Variants in KCTD16 observed in about 807,000 individuals in gnomAD.
KCTD16 encodes the protein potassium channel tetramerization domain containing 16.
A neutral mutation model predicts 33.2 loss-of-function variants in KCTD16; 13 were observed. That is an observed-to-expected ratio of 0.39 (90% CI 0.25 to 0.62). KCTD16 has a LOEUF of 0.62. Among genes scored for constraint, KCTD16 ranks in the 20% least tolerant of loss-of-function variants. The pLI, the probability that KCTD16 is intolerant of heterozygous loss-of-function variation, is 0.50. For missense variants in KCTD16, 441 were observed against 525.1 expected, an observed-to-expected ratio of 0.84 and a Z score of 1.57; for synonymous variants, 197 against 195.3, an observed-to-expected ratio of 1.01 and a Z score of -0.07.
chr5:144,407,842 G>A (rs185466848), intron 3 of KCTD16, among the ~76,000 whole-genome samples: 1 of 152,098 alleles, frequency 6.6e-6, no homozygotes, highest in Non-Finnish European at 1.5e-5. Flanking sequence ...ATGGCTTCCA[G>A]CTTCAACCAT....
At chr5:144,331,070 G>T (rs1752346543) in intron 3 of KCTD16, among the ~76,000 whole-genome samples, 1 of 152,322 alleles carries the variant, frequency 6.6e-6, no homozygotes, top group African/African-American at 2.4e-5. Context: ...AAAGAGAAAA[G>T]CCATTCCAGG....
intron 3 of KCTD16, among the ~76,000 whole-genome samples, chr5:144,245,632 G>A (rs550915270): frequency 1.3e-5 from 2 of 152,322 alleles, no homozygotes; most frequent in South Asian, 4.2e-4. Context: ...GTCAGGTCTG[G>A]TGGGAGGTGA....
chr5:144,299,456 T>C (rs900917314), intron 3 of KCTD16, among the ~76,000 whole-genome samples: 3 of 151,984 alleles, frequency 2.0e-5, no homozygotes, highest in Admixed American at 2.0e-4. Context: ...CTTTCATTCA[T>C]CTAATACTGT....
At chr5:144,366,075 C>T (rs1290711470) in intron 3 of KCTD16, among the ~76,000 whole-genome samples, 2 of 152,086 alleles carry the variant, frequency 1.3e-5, no homozygotes, top group Non-Finnish European at 2.9e-5. Flanking sequence ...TTTACATTTG[C>T]ATATTTTGCC....
At chr5:144,361,586 T>C (rs1048743498) in intron 3 of KCTD16, among the ~76,000 whole-genome samples, 3 of 152,188 alleles carry the variant, frequency 2.0e-5, no homozygotes, top group Non-Finnish European at 2.9e-5. Flanking sequence ...TATACAAATA[T>C]ACAGAACCCC....
At chr5:144,420,599 G>C (rs139682673) in intron 3 of KCTD16, among the ~76,000 whole-genome samples, 25 of 152,090 alleles carry the variant, frequency 1.6e-4, no homozygotes, top group African/African-American at 6.0e-4. Context: ...TTTTTTTATA[G>C]AGGCTGAGGA....
At chr5:144,448,943 T>TTC (rs1247338946) in intron 3 of KCTD16, among the ~76,000 whole-genome samples, 12 of 152,164 alleles carry the variant, frequency 7.9e-5, no homozygotes, top group Admixed American at 7.9e-4. Flanking sequence ...ACATCATAGA[T>TTC]TCATCTTCAC....
rs573771861 is a variant in KCTD16, at chr5:144,174,400, G to A, written c.-399G>A. 1 of 152,320 alleles carries A rather than the reference G, an allele frequency of 6.6e-6. No individual in the cohort carries two copies. Among genetic ancestry groups the A allele is most frequent in the Admixed American group, 6.5e-5 (1 of 15,308 alleles). 9.4% of individuals were successfully genotyped at this position (152,320 alleles called of 1,614,324 possible). A position where few individuals can be genotyped will look rare whatever the true frequency, so the allele number is the denominator to read the frequency against. On this transcript the variant is annotated 5_prime_UTR_variant, in exon 2 of 4. The change creates a new upstream start codon in the 5' untranslated region. Coordinates refer to ENST00000512467, the MANE Select transcript of KCTD16 (RefSeq NM_020768.4). ...GCTATATCCACAAGCATCACATGAA[G>A]TGGAGATCTGGCAGCTCTGTGTATT...
intron 3 of KCTD16, among the ~76,000 whole-genome samples, chr5:144,210,783 G>C (rs1343779739): frequency 2.0e-5 from 3 of 152,138 alleles, no homozygotes. Context: ...ATTGTTCTTG[G>C]TTGGAGAGAA....
At chr5:144,437,415 T>C (rs1190364195) in intron 3 of KCTD16, among the ~76,000 whole-genome samples, 1 of 152,152 alleles carries the variant, frequency 6.6e-6, no homozygotes, top group African/African-American at 2.4e-5. Context: ...CAAATCCCAG[T>C]CCCATGTCTT....
chr5:144,300,461 A>G (rs1049983450), intron 3 of KCTD16, among the ~76,000 whole-genome samples: 4 of 152,158 alleles, frequency 2.6e-5, no homozygotes, highest in Non-Finnish European at 5.9e-5. Context: ...GTCTCATGCT[A>G]TTTCACTGAG....
rs1256737208 is a variant in KCTD16 at position 144,481,671 on chromosome 5, G to A, written c.*7557G>A. 6.6e-6 allele frequency: 1 copy of A among 151,814 alleles called. No homozygotes were observed. The highest frequency in any genetic ancestry group is 1.5e-5 in the Non-Finnish European group (1 of 67,890). The allele number at this position is 151,814 out of a possible 1,614,324, so 9.4% of individuals were successfully genotyped here. On this transcript the variant is annotated 3_prime_UTR_variant, in exon 4 of 4. Transcript: ENST00000512467. ...GTTTAAATCGGTCATTTATTTGTTT[G>A]TTTATGCATATATCCAGCAAATATT...
intron 3 of KCTD16, among the ~76,000 whole-genome samples, chr5:144,333,673 G>A (rs990523914): frequency 6.6e-6 from 1 of 152,130 alleles, no homozygotes; most frequent in African/African-American, 2.4e-5. Flanking sequence ...TGTTTCATGT[G>A]TCTCATTCCC....
chr5:144,395,148 G>A (rs1444607923), intron 3 of KCTD16, among the ~76,000 whole-genome samples: 1 of 152,180 alleles, frequency 6.6e-6, no homozygotes, highest in Non-Finnish European at 1.5e-5. Context: ...TGATTCTGAT[G>A]CTTGCTAGAG....
rs142148518 is a variant in KCTD16, at chr5:144,419,180, C to T, written c.833-54480C>T. Among the ~76,000 whole-genome samples the T allele has an allele frequency of 7.2e-5, 11 of 152,238 alleles. No individual in the cohort carries two copies. In the East Asian group the frequency reaches 7.7e-4, roughly 11 times the overall value. On this transcript the variant is annotated intron_variant, in intron 3 of 3. Coordinates refer to ENST00000512467, the MANE Select transcript of KCTD16 (RefSeq NM_020768.4). ...CACATATTTCTTGCTCAGTTTCTGA[C>T]GTATTTTGGAGAAAATGCTCCCACA... is the stretch of plus-strand genomic sequence containing the variant.
At chr5:144,205,816 G>A (rs1489868502) in intron 2 of KCTD16, 1 of 372,570 alleles carries the variant, frequency 2.7e-6, no homozygotes, top group Non-Finnish European at 4.7e-6. Context: ...GAACACATAT[G>A]TACCTACATA....
At chr5:144,232,684 A>G (rs1477281947) in intron 3 of KCTD16, among the ~76,000 whole-genome samples, 2 of 152,218 alleles carry the variant, frequency 1.3e-5, no homozygotes, top group Non-Finnish European at 2.9e-5. Context: ...GTACTGTTCA[A>G]TAGAAACATA....
At chr5:144,205,213 C>A (rs532661293) in intron 2 of KCTD16, 19 of 247,722 alleles carry the variant, frequency 7.7e-5, no homozygotes, top group African/African-American at 3.8e-4. Context: ...AAGCCCCGCG[C>A]GCCTGGCAAT....
intron 3 of KCTD16, among the ~76,000 whole-genome samples, chr5:144,301,913 T>C (rs1203289944): frequency 1.3e-5 from 2 of 152,258 alleles, no homozygotes; most frequent in African/African-American, 4.8e-5. Context: ...TTATTGTTTC[T>C]AATGATAATG....
Sources: allele counts gnomAD v4.1 joint callset (sites outside exome capture counted in the v4.1 genomes callset), GRCh38; gene constraint gnomAD v4.1.1; transcripts MANE v1.5; gene names NCBI Gene and HGNC (gene_info 2026-07-23, HGNC 2026-07-21).